CCKBR: variants seen among roughly 807,000 people sequenced by gnomAD.
CCKBR encodes gastrin/cholecystokinin type B receptor.
In CCKBR, 33 loss-of-function variants were observed where a neutral mutation model predicts 34.6. The ratio of observed to expected loss-of-function variants is 0.95; its 90% CI spans 0.72 to 1.27. CCKBR has a LOEUF of 1.27. Among genes scored for constraint, CCKBR ranks in the 50% most tolerant of loss-of-function variants. The probability of loss-of-function intolerance (pLI) is 0.00; values close to 1 mark genes in which losing one functional copy is unlikely to be tolerated. For missense variants in CCKBR, 652 were observed against 617.4 expected (o/e 1.06, Z -0.59); for synonymous variants, 269 against 267.5 (o/e 1.01, Z -0.06).
chr11:6,271,659 A>G lies in CCKBR; in HGVS notation c.*116A>G. Reference sequence around the variant, plus strand: ...AAACCAACACCCAAAGCATGGACTAACCCCAACGCACAGGAAAAGGTAGCT... The same window carrying G: ...AAACCAACACCCAAAGCATGGACTAGCCCCAACGCACAGGAAAAGGTAGCT... On this transcript the variant is annotated 3_prime_UTR_variant, in exon 5 of 5. Transcript: ENST00000334619. 9.9e-7 allele frequency: 1 copy of G among 1,008,706 alleles called. No individual in the cohort carries two copies. Among genetic ancestry groups the G allele is most frequent in the Non-Finnish European group, 1.4e-6 (1 of 707,014 alleles). The allele number at this position is 1,008,706 out of a possible 1,614,324, so 62.5% of individuals were successfully genotyped here.
chr11:6,264,741 A>ACACACACACGCACG, intron 1 of CCKBR: 1 of 489,108 alleles, frequency 2.0e-6, no homozygotes, highest in Non-Finnish European at 3.6e-6. Flanking sequence ...ACACACACAC[A>ACACACACACGCACG]CACGCATACA....
In CCKBR at chr11:6,271,773, T is replaced by C. The variant is rs1329493939; in HGVS notation, c.*230T>C. The C allele has an allele frequency of 7.7e-6, 4 of 516,370 alleles. No individual in the cohort carries two copies. The highest frequency in any genetic ancestry group is 1.4e-5 in the Non-Finnish European group (4 of 294,428). 32.0% of individuals were successfully genotyped at this position (516,370 alleles called of 1,614,324 possible). ...GGACTGAGCCTGGCCCATAGAAACA[T>C]GACACTGACCTTGGAGAGACACAGC... On this transcript the variant is annotated 3_prime_UTR_variant, in exon 5 of 5. Coordinates refer to ENST00000334619, the MANE Select transcript of CCKBR (RefSeq NM_176875.4).
At chr11:6,265,036 C>T (rs1848191467) in intron 1 of CCKBR, among the ~76,000 whole-genome samples, 1 of 152,188 alleles carries the variant, frequency 6.6e-6, no homozygotes, top group Non-Finnish European at 1.5e-5. Flanking sequence ...ATGTATCCAT[C>T]ATTACAGTAT....
intron 1 of CCKBR, among the ~76,000 whole-genome samples, chr11:6,262,686 A>AAG (rs57265861): frequency 0.067 from 7,957 of 119,098 alleles, 309 homozygotes; most frequent in Non-Finnish European, 0.08. Flanking sequence ...TAGGCAAAGA[A>AAG]AGAGAGAGAG....
Position 6,269,825 on chromosome 11 carries a change from T to G in CCKBR, c.308T>G (p.Leu103Arg). ...TCACTGGCAGTCAGCGACCTCCTGC[T>G]GGCTGTGGCTTGCATGCCCTTCACC... ...LLSLAVSDLL[L>R]AVACMPFTLL... Residue 103 changes from leucine (L) to arginine (R), a missense_variant, in exon 2 of 5, where the codon CTG (leucine) becomes CGG (arginine). Transcript: ENST00000334619. 1 of 1,614,194 alleles carries G rather than the reference T, an allele frequency of 6.2e-7. No individual in the cohort carries two copies.
chr11:6,264,694 C>G, intron 1 of CCKBR: 1 of 584,846 alleles, frequency 1.7e-6, no homozygotes, highest in Admixed American at 3.1e-5. Flanking sequence ...ACTGTCATCA[C>G]TCATATTCCA....
At chr11:6,268,978 C>A (rs1848248004) in intron 1 of CCKBR, among the ~76,000 whole-genome samples, 1 of 151,210 alleles carries the variant, frequency 6.6e-6, no homozygotes, top group African/African-American at 2.4e-5. Flanking sequence ...GAGAAACCAG[C>A]TTGAGCAGGG....
chr11:6,263,404 C>A (rs1463546876), intron 1 of CCKBR, among the ~76,000 whole-genome samples: 1 of 152,092 alleles, frequency 6.6e-6, no homozygotes, highest in East Asian at 1.9e-4. Flanking sequence ...ATAATACCCA[C>A]AAAAGCTTAA....
Position 6,271,123 on chromosome 11 carries a change from G to A in CCKBR, c.924G>A (p.Ala308=), listed in dbSNP as rs1848301679. The A allele has an allele frequency of 6.2e-7, 1 of 1,613,852 alleles. No homozygotes were observed. Among genetic ancestry groups the A allele is most frequent in the Admixed American group, 1.7e-5 (1 of 59,992 alleles). ...PRSRPALELT[A]LTAPGPGSGS... Reference sequence around the variant, plus strand: ...CCCGGCCTGCCCTGGAGCTGACGGCGCTGACGGCTCCTGGGCCGGGATCCG... The same window carrying A: ...CCCGGCCTGCCCTGGAGCTGACGGCACTGACGGCTCCTGGGCCGGGATCCG... Residue 308 remains alanine (A), a synonymous_variant, in exon 5 of 5, where the codon GCG becomes GCA. Transcript: ENST00000334619.
At chr11:6,264,283 A>T (rs888723393) in intron 1 of CCKBR, among the ~76,000 whole-genome samples, 1 of 152,216 alleles carries the variant, frequency 6.6e-6, no homozygotes, top group Admixed American at 6.5e-5. Context: ...ATCCCTGCTT[A>T]TCATAGAGAC....
At chr11:6,266,607 C>T (rs1848213334) in intron 1 of CCKBR, among the ~76,000 whole-genome samples, 1 of 152,178 alleles carries the variant, frequency 6.6e-6, no homozygotes, top group South Asian at 2.1e-4. Context: ...AGGGACTTGG[C>T]TTCTATTCTG....
intron 1 of CCKBR, chr11:6,264,454 A>T (rs1848180597): frequency 1.5e-6 from 1 of 647,956 alleles, no homozygotes; most frequent in Non-Finnish European, 2.8e-6. Flanking sequence ...TTGCACTCAT[A>T]CTTCTCTGCC....
intron 1 of CCKBR, chr11:6,264,745 G>T (rs1051598371): frequency 7.9e-6 from 3 of 379,716 alleles, no homozygotes. Flanking sequence ...ACACACACAC[G>T]CATACAAGTC....
At chr11:6,261,404 T>C (rs1172072645) in intron 1 of CCKBR, among the ~76,000 whole-genome samples, 2 of 122,732 alleles carry the variant, frequency 1.6e-5, no homozygotes, top group African/African-American at 3.2e-5. Flanking sequence ...TCAAAAAAAT[T>C]AGGGAGGCTG....
chr11:6,266,607 C>G (rs1848213334), intron 1 of CCKBR, among the ~76,000 whole-genome samples: 1 of 152,178 alleles, frequency 6.6e-6, no homozygotes, highest in Admixed American at 6.5e-5. Context: ...AGGGACTTGG[C>G]TTCTATTCTG....
At position 6,271,592 on chromosome 11, in the gene CCKBR, A is replaced by G. The variant is rs1259019693; in HGVS notation, c.*49A>G. 6 of 1,492,090 alleles carry G rather than the reference A, an allele frequency of 4.0e-6. No homozygotes were observed. The East Asian group carries it at 1.1e-4, about 28-fold the overall frequency. 92.4% of individuals were successfully genotyped at this position (1,492,090 alleles called of 1,614,324 possible). A position where few individuals can be genotyped will look rare whatever the true frequency, so the allele number is the denominator to read the frequency against. Reference sequence around the variant, plus strand: ...GAGGCAGGGCAAATGACATGCACTGACCCTTCCAGACATACGAAACACAAA... The same window carrying G: ...GAGGCAGGGCAAATGACATGCACTGGCCCTTCCAGACATACGAAACACAAA... On this transcript the variant is annotated 3_prime_UTR_variant, in exon 5 of 5. Coordinates refer to ENST00000334619, the MANE Select transcript of CCKBR (RefSeq NM_176875.4).
chr11:6,260,785 G>T (rs1410642124), intron 1 of CCKBR, among the ~76,000 whole-genome samples: 1 of 152,214 alleles, frequency 6.6e-6, no homozygotes, highest in Non-Finnish European at 1.5e-5. Flanking sequence ...TAGGCTAGGT[G>T]CTGGGGGCAC....
chr11:6,267,248 C>G (rs1848223147), intron 1 of CCKBR, among the ~76,000 whole-genome samples: 1 of 152,048 alleles, frequency 6.6e-6, no homozygotes, highest in South Asian at 2.1e-4. Context: ...CTTTTTGACT[C>G]TTTTGTAATA....
chr11:6,270,437 C>A, intron 3 of CCKBR, 100 bp downstream of exon 3: 1 of 1,470,704 alleles, frequency 6.8e-7, no homozygotes, highest in Non-Finnish European at 9.3e-7. Context: ...CGGAGAATTA[C>A]CACGCCAACT....
Sources: allele counts gnomAD v4.1 joint callset (sites outside exome capture counted in the v4.1 genomes callset), GRCh38; gene constraint gnomAD v4.1.1; transcripts MANE v1.5; gene names NCBI Gene and HGNC (gene_info 2026-07-23, HGNC 2026-07-21).